Variants in CSMD1 observed in about 807,000 individuals in gnomAD.
CSMD1 encodes CUB and sushi domain-containing protein 1.
In CSMD1, 213 loss-of-function variants were observed where a neutral mutation model predicts 417.5. The ratio of observed to expected loss-of-function variants is 0.51; its 90% CI spans 0.46 to 0.57. CSMD1 has a LOEUF of 0.57. CSMD1 is among the 20% of genes least tolerant of loss of function. The probability of loss-of-function intolerance (pLI) is 0.00; values close to 1 mark genes in which losing one functional copy is unlikely to be tolerated. For missense variants in CSMD1, 6,923 were observed against 4,529.7 expected (o/e 1.53, Z -15.17); for synonymous variants, 2,862 against 1,736.8 (o/e 1.65, Z -16.11).
chr8:3,632,866 T>A (rs553351324), intron 7 of CSMD1, among the ~76,000 whole-genome samples: 1 of 152,270 alleles, frequency 6.6e-6, no homozygotes, highest in Non-Finnish European at 1.5e-5. Context: ...AGTGATCCTG[T>A]TTTAAGAAGG....
intron 5 of CSMD1, among the ~76,000 whole-genome samples, chr8:3,903,056 G>A (rs576474771): frequency 6.6e-6 from 1 of 152,254 alleles, no homozygotes; most frequent in East Asian, 1.9e-4. Context: ...TGACCACCTG[G>A]ATTGGATAAC....
At chr8:4,441,284 G>C (rs75405335) in intron 2 of CSMD1, among the ~76,000 whole-genome samples, 35 of 96,254 alleles carry the variant, frequency 3.6e-4, no homozygotes, top group Middle Eastern at 0.012. Context: ...TTTTTTTTTG[G>C]TGGGGGGAGT....
chr8:4,010,918 G>A (rs1563315559), intron 4 of CSMD1, among the ~76,000 whole-genome samples: 1 of 152,100 alleles, frequency 6.6e-6, no homozygotes, highest in East Asian at 1.9e-4. Context: ...TTACATATAT[G>A]GCCATAATCC....
At chr8:4,853,324 G>T (rs566596967) in intron 1 of CSMD1, among the ~76,000 whole-genome samples, 1 of 152,190 alleles carries the variant, frequency 6.6e-6, no homozygotes, top group African/African-American at 2.4e-5. Flanking sequence ...CTGAAGCCAG[G>T]AATGCAAGGT....
intron 3 of CSMD1, among the ~76,000 whole-genome samples, chr8:4,386,573 G>C (rs1311727645): frequency 6.6e-6 from 1 of 152,200 alleles, no homozygotes; most frequent in African/African-American, 2.4e-5. Context: ...ACCTATAAGA[G>C]AGAAAGGCCT....
rs550591113 is a variant in CSMD1, at chr8:4,517,260, G to A, written c.303-97195C>T. On this transcript the variant is annotated intron_variant, in intron 2 of 69. Transcript: ENST00000635120. ...AAACAATGAAATAATCATTCAGAGA[G>A]TAATTTTAGACTAACGTAGTGATAA... Among the ~76,000 whole-genome samples the A allele has an allele frequency of 2.6e-5, 4 of 152,282 alleles. No homozygotes were observed. In the South Asian group the frequency reaches 8.3e-4, roughly 32 times the overall value.
intron 6 of CSMD1, among the ~76,000 whole-genome samples, chr8:3,733,335 CACAG>C (rs900951262): frequency 2.1e-5 from 3 of 145,982 alleles, no homozygotes; most frequent in Admixed American, 1.4e-4. Context: ...AATATATATA[CACAG>C]ACATATATAT....
At position 4,195,591 on chromosome 8, in the gene CSMD1, G is replaced by C. The variant is rs530920484; in HGVS notation, c.416-163492C>G. 5.3e-5 allele frequency among the ~76,000 whole-genome samples: 8 copies of C among 152,256 alleles called. No homozygotes were observed. The East Asian group carries it at 1.2e-3, about 22-fold the overall frequency. ...TATGGTAGAGGTGAGCGTTGTCACT[G>C]TCATGACTGTGTGATATTATATAAG... On this transcript the variant is annotated intron_variant, in intron 3 of 69. Transcript: ENST00000635120.
At chr8:3,509,883 G>A (rs1796991343) in intron 10 of CSMD1, among the ~76,000 whole-genome samples, 1 of 152,222 alleles carries the variant, frequency 6.6e-6, no homozygotes, top group East Asian at 1.9e-4. Context: ...CATGGTAAAG[G>A]GGAACTCATG....
At chr8:3,948,777 A>G (rs1424377018) in intron 5 of CSMD1, among the ~76,000 whole-genome samples, 3 of 152,290 alleles carry the variant, frequency 2.0e-5, no homozygotes, top group Middle Eastern at 3.4e-3. Flanking sequence ...CAATATGACT[A>G]TTACAATCAA....
chr8:3,623,155 G>C (rs1796337297), intron 7 of CSMD1, among the ~76,000 whole-genome samples: 1 of 152,278 alleles, frequency 6.6e-6, no homozygotes, highest in Admixed American at 6.5e-5. Flanking sequence ...TTGTAAAAGA[G>C]TTTAAATGAA....
At chr8:3,949,185 C>G (rs1403288956) in intron 5 of CSMD1, among the ~76,000 whole-genome samples, 4 of 152,074 alleles carry the variant, frequency 2.6e-5, no homozygotes, top group South Asian at 2.1e-4. Flanking sequence ...TGCTTTACAT[C>G]CTTATCATTT....
At chr8:3,629,261 C>T (rs562349996) in intron 7 of CSMD1, among the ~76,000 whole-genome samples, 1 of 152,120 alleles carries the variant, frequency 6.6e-6, no homozygotes, top group Admixed American at 6.5e-5. Context: ...ACCATGAAGA[C>T]CCTTTCTGAA....
Position 3,878,549 on chromosome 8 carries a change from G to C in CSMD1, c.818+119354C>G, listed in dbSNP as rs539173426. On this transcript the variant is annotated intron_variant, in intron 5 of 69. Coordinates refer to ENST00000635120, the MANE Select transcript of CSMD1 (RefSeq NM_033225.6). ...AAAAAATGAAAAAGGAAATTATATA[G>C]ATAGGAAGTATAGAAAAAATTGCGT... 6.6e-5 allele frequency among the ~76,000 whole-genome samples: 10 copies of C among 152,136 alleles called. No individual in the cohort carries two copies. In the East Asian group the frequency reaches 1.7e-3, roughly 26 times the overall value.
intron 1 of CSMD1, among the ~76,000 whole-genome samples, chr8:4,704,975 T>C (rs1807827926): frequency 6.6e-6 from 1 of 152,184 alleles, no homozygotes; most frequent in Admixed American, 6.5e-5. Flanking sequence ...AACTTCCAAT[T>C]GTAATCCCTA....
intron 10 of CSMD1, among the ~76,000 whole-genome samples, chr8:3,510,452 A>C (rs1466241523): frequency 2.0e-5 from 3 of 151,858 alleles, no homozygotes; most frequent in Admixed American, 6.5e-5. Context: ...TACTCAGCCC[A>C]GTCCCCTCAC....
intron 3 of CSMD1, among the ~76,000 whole-genome samples, chr8:4,415,642 G>C (rs76358934): frequency 6.6e-6 from 1 of 152,218 alleles, no homozygotes; most frequent in East Asian, 1.9e-4. Context: ...TTTCATCTTT[G>C]TATTCCTGTA....
At chr8:3,779,760 C>T (rs1272160950) in intron 5 of CSMD1, among the ~76,000 whole-genome samples, 1 of 152,110 alleles carries the variant, frequency 6.6e-6, no homozygotes, top group Non-Finnish European at 1.5e-5. Flanking sequence ...TGAAAGAGAT[C>T]CCAGGTCCTC....
chr8:3,492,986 G>C (rs1056452371), intron 11 of CSMD1, among the ~76,000 whole-genome samples: 20 of 152,120 alleles, frequency 1.3e-4, no homozygotes, highest in African/African-American at 4.1e-4. Context: ...GGGAAGCAGA[G>C]GAGAGAGGTT....
Sources: gnomAD v4.1 joint callset for allele counts (sites outside exome capture counted in the v4.1 genomes callset) on GRCh38, gnomAD v4.1.1 for gene constraint, MANE v1.5 for transcripts, NCBI Gene and HGNC (gene_info 2026-07-23, HGNC 2026-07-21) for gene names.